EPHB2: variants seen among roughly 807,000 people sequenced by gnomAD.
EPHB2 encodes the protein ephrin type-B receptor 2.
Under a neutral mutation model 96.4 loss-of-function variants are expected in EPHB2, and 18 were observed. The ratio of observed to expected loss-of-function variants is 0.19; its 90% CI spans 0.13 to 0.28. The LOEUF is 0.28. Among genes scored for constraint, EPHB2 ranks in the 10% least tolerant of loss-of-function variants. The probability of loss-of-function intolerance (pLI) is 1.00; values close to 1 mark genes in which losing one functional copy is unlikely to be tolerated. For missense variants in EPHB2, 989 were observed against 1,355.4 expected (o/e 0.73, Z 4.25); for synonymous variants, 506 against 534.1 (o/e 0.95, Z 0.72).
At chr1:22,841,124 CAAAT>C (rs36155921) in intron 3 of EPHB2, among the ~76,000 whole-genome samples, 76,904 of 151,598 alleles carry the variant, frequency 0.51, 19,556 homozygotes, top group Middle Eastern at 0.59. Context: ...AATGAATAAA[CAAAT>C]GAATGAATCT....
At position 22,913,044 on chromosome 1, in the gene EPHB2, T is replaced by A. The variant is rs745493990; in HGVS notation, c.2853-418T>A. On this transcript the variant is annotated intron_variant, in intron 15 of 15. Transcript: ENST00000374630. This position sits in a 1 kb window ranked among gnomAD's most constrained non-coding sequence, Gnocchi z 4.1. Reference sequence around the variant, plus strand: ...CCCGTCTCTACTAAAATGCAAAAAATTAGCCACGCAAGGTGGCATGCACCT... The same window carrying A: ...CCCGTCTCTACTAAAATGCAAAAAAATAGCCACGCAAGGTGGCATGCACCT... 1.4e-5 allele frequency: 5 copies of A among 347,816 alleles called. No individual in the cohort carries two copies. Among genetic ancestry groups the A allele is most frequent in the Non-Finnish European group, 2.8e-5 (5 of 178,774 alleles). 21.5% of individuals were successfully genotyped at this position (347,816 alleles called of 1,614,324 possible).
chr1:22,830,665 C>A (rs1236148632), intron 3 of EPHB2, among the ~76,000 whole-genome samples: 1 of 151,800 alleles, frequency 6.6e-6, no homozygotes, highest in East Asian at 1.9e-4. Flanking sequence ...GCAAGTGATT[C>A]TCCTGCCTCA....
chr1:22,803,839 A>G (rs1473473297), intron 3 of EPHB2, among the ~76,000 whole-genome samples: 2 of 151,232 alleles, frequency 1.3e-5, no homozygotes, highest in African/African-American at 4.9e-5. Flanking sequence ...ACTTGAGCCT[A>G]GGGGTTCTAG....
chr1:22,865,248 A>G, intron 5 of EPHB2, 36 bp downstream of exon 5: 1 of 1,611,432 alleles, frequency 6.2e-7, no homozygotes, highest in Non-Finnish European at 8.5e-7. Context: ...GGAGTGCCCC[A>G]TCGCGCTGTG....
intron 3 of EPHB2, among the ~76,000 whole-genome samples, chr1:22,804,047 G>T (rs1644888918): frequency 6.6e-6 from 1 of 152,180 alleles, no homozygotes; most frequent in Non-Finnish European, 1.5e-5. Context: ...CTGGGAGCAG[G>T]AGTTGCCCAC....
chr1:22,793,913 A>G (rs1122210), intron 3 of EPHB2, among the ~76,000 whole-genome samples: 22,627 of 151,658 alleles, frequency 0.15, 1,768 homozygotes, highest in African/African-American at 0.17. Flanking sequence ...CAACTTATTA[A>G]CCTGAAGAGA....
Position 22,817,911 on chromosome 1 carries a change from G to T in EPHB2, c.811+32835G>T, listed in dbSNP as rs1369424309. 3.9e-5 allele frequency among the ~76,000 whole-genome samples: 6 copies of T among 152,320 alleles called. No homozygotes were observed. The East Asian group carries it at 1.2e-3, about 29-fold the overall frequency. On this transcript the variant is annotated intron_variant, in intron 3 of 15. Coordinates refer to ENST00000374630, the MANE Select transcript of EPHB2 (RefSeq NM_017449.5). ...GGACTCCATCCCTGAGCTTCCTGGG[G>T]TTAGACTGGGAGGTGGGACAGAGGT... is the stretch of plus-strand genomic sequence containing the variant.
At chr1:22,777,573 G>A (rs1403023861) in intron 1 of EPHB2, among the ~76,000 whole-genome samples, 2 of 152,198 alleles carry the variant, frequency 1.3e-5, no homozygotes, top group African/African-American at 2.4e-5. Flanking sequence ...ATTCCCCAGA[G>A]AACAGAATTT....
chr1:22,794,922 G>T (rs567170554), intron 3 of EPHB2, among the ~76,000 whole-genome samples: 10 of 152,366 alleles, frequency 6.6e-5, no homozygotes, highest in African/African-American at 2.4e-4. Flanking sequence ...GAGGCCCGTT[G>T]ATTGAGGAAG....
At chr1:22,776,263 C>T (rs1644451093) in intron 1 of EPHB2, among the ~76,000 whole-genome samples, 2 of 152,222 alleles carry the variant, frequency 1.3e-5, no homozygotes, top group African/African-American at 4.8e-5. Context: ...TCCCACTCCA[C>T]ATCAGTCACT....
intron 9 of EPHB2, among the ~76,000 whole-genome samples, chr1:22,902,749 CA>C (rs1469795182): frequency 6.6e-6 from 1 of 152,104 alleles, no homozygotes; most frequent in East Asian, 1.9e-4. Flanking sequence ...AAAGGAGTGT[CA>C]GGGGGCTGTG....
chr1:22,812,281 G>A (rs141836408), intron 3 of EPHB2, among the ~76,000 whole-genome samples: 274 of 152,368 alleles, frequency 1.8e-3, no homozygotes, highest in African/African-American at 5.8e-3. Flanking sequence ...GGCCCTGCCC[G>A]CGGGGCCTGA....
chr1:22,872,469 G>T (rs1638704684), intron 5 of EPHB2, among the ~76,000 whole-genome samples: 1 of 152,162 alleles, frequency 6.6e-6, no homozygotes, highest in Admixed American at 6.5e-5. Flanking sequence ...CAGATCCCGG[G>T]AATTAAGACG....
At chr1:22,777,936 G>A (rs148840616) in intron 1 of EPHB2, among the ~76,000 whole-genome samples, 11 of 152,292 alleles carry the variant, frequency 7.2e-5, no homozygotes, top group East Asian at 1.9e-4. Context: ...TTCCAGACTC[G>A]GAAGGTATTT....
intron 3 of EPHB2, among the ~76,000 whole-genome samples, chr1:22,789,735 A>T (rs1557675871): frequency 6.6e-6 from 1 of 152,214 alleles, no homozygotes; most frequent in Non-Finnish European, 1.5e-5. Context: ...CAGAAGAAAA[A>T]GTCAGTGAGC....
At chr1:22,796,671 C>G (rs1644770933) in intron 3 of EPHB2, among the ~76,000 whole-genome samples, 1 of 152,250 alleles carries the variant, frequency 6.6e-6, no homozygotes, top group Non-Finnish European at 1.5e-5. Flanking sequence ...GACCGGCACT[C>G]AAACTCAGGG....
intron 1 of EPHB2, among the ~76,000 whole-genome samples, chr1:22,778,487 T>A (rs552246375): frequency 6.6e-6 from 1 of 152,216 alleles, no homozygotes; most frequent in South Asian, 2.1e-4. Flanking sequence ...AAAGACCAGG[T>A]TGGGGAGAGA....
intron 3 of EPHB2, 64 bp downstream of exon 3, chr1:22,785,140 G>A (rs894556637): frequency 2.8e-5 from 45 of 1,588,298 alleles, no homozygotes; most frequent in African/African-American, 6.7e-5. Context: ...CTGCAGACTC[G>A]GGCTGCAGAC....
In EPHB2 at chr1:22,758,207, C is replaced by T. The variant is rs761825146; in HGVS notation, c.62-23214C>T. ...TGCTGGGATTACAGGCGTGAGCCAC[C>T]GCGCCCGGCCTAAGTTATGCTTTTA... On this transcript the variant is annotated intron_variant, in intron 1 of 15. Coordinates refer to ENST00000374630, the MANE Select transcript of EPHB2 (RefSeq NM_017449.5). Among the ~76,000 whole-genome samples the T allele has an allele frequency of 3.3e-5, 5 of 151,472 alleles. No homozygotes were observed. In the East Asian group the frequency reaches 5.9e-4, roughly 18 times the overall value.
Sources: gnomAD v4.1 joint callset for allele counts (sites outside exome capture counted in the v4.1 genomes callset) on GRCh38, gnomAD v4.1.1 for gene constraint, Gnocchi (gnomAD v3.1) non-coding constraint, MANE v1.5 for transcripts, NCBI Gene and HGNC (gene_info 2026-07-23, HGNC 2026-07-21) for gene names.